The following UTP4 variants were observed in gnomAD, a reference collection of about 807,000 sequenced individuals.
UTP4 encodes UTP4 small subunit processome component.
UTP4 carries 45 observed loss-of-function variants against 82.4 expected under a neutral mutation model. The ratio of observed to expected loss-of-function variants is 0.55; its 90% CI spans 0.43 to 0.70. UTP4 has a LOEUF of 0.70. UTP4 is among the 30% of genes least tolerant of loss of function. The pLI, the probability that UTP4 is intolerant of heterozygous loss-of-function variation, is 0.00. For synonymous variants in UTP4, 348 were observed against 300.3 expected (o/e 1.16, Z -1.64); for missense variants, 819 against 858.3 (o/e 0.95, Z 0.57).
chr16:69,160,454 C>G lies in UTP4; in HGVS notation c.1543C>G (p.Gln515Glu). Residue 515 changes from glutamine to glutamate, a missense_variant, in exon 13 of 17, where the codon CAG becomes GAG. Physicochemically the swap from Gln to Glu is conservative, Grantham distance 29. Coordinates refer to ENST00000314423, the MANE Select transcript of UTP4 (RefSeq NM_032830.3). ...SAGVHVYNVK[Q>E]LKLHCTVPAY... The stretch of plus-strand genomic sequence containing the variant: ...TGGAGTCCATGTCTACAACGTAAAA[C>G]AGCTAAAGGTGAGCATAGGGTTTCA... 6.2e-7 allele frequency: 1 copy of G among 1,612,974 alleles called. No homozygotes were observed. Among genetic ancestry groups the G allele is most frequent in the African/African-American group, 1.3e-5 (1 of 75,030 alleles).
At chr16:69,156,160 T>TC in intron 11 of UTP4, among the ~76,000 whole-genome samples, 167 bp downstream of exon 11, 1 of 150,492 alleles carries the variant, frequency 6.6e-6, no homozygotes, top group South Asian at 2.1e-4. Context: ...CTTTCTTTTT[T>TC]TTTTTTTTTT....
chr16:69,139,692 G>A, intron 4 of UTP4, 133 bp from the exon 5 acceptor site: 1 of 399,612 alleles, frequency 2.5e-6, no homozygotes, highest in Non-Finnish European at 4.6e-6. Context: ...ATAAAATGGT[G>A]CTTCAAGGAG....
intron 8 of UTP4, among the ~76,000 whole-genome samples, chr16:69,152,627 G>A (rs7205931): frequency 0.038 from 5,716 of 151,576 alleles, 374 homozygotes; most frequent in African/African-American, 0.13. Flanking sequence ...CCGCCACCAC[G>A]CCTAGGTAAT....
At chr16:69,140,081 C>T (rs961078657) in intron 5 of UTP4, among the ~76,000 whole-genome samples, 167 bp downstream of exon 5, 1 of 152,152 alleles carries the variant, frequency 6.6e-6, no homozygotes, top group African/African-American at 2.4e-5. Flanking sequence ...TGGATTACTA[C>T]CACTGCTTTT....
At chr16:69,159,060 T>A (rs1021282952) in intron 12 of UTP4, among the ~76,000 whole-genome samples, 7 of 152,110 alleles carry the variant, frequency 4.6e-5, no homozygotes, top group Admixed American at 1.3e-4. Flanking sequence ...AACTTTTTTT[T>A]TTATTATTAA....
chr16:69,163,711 ATATATTAGGAAGTTATCAATAAT>A (rs1228673094), intron 14 of UTP4, among the ~76,000 whole-genome samples: 2 of 151,850 alleles, frequency 1.3e-5, no homozygotes, highest in Admixed American at 6.6e-5. Context: ...GGGCTGCGGA[ATATATTAGGAAGTTATCAATAAT>A]TATATTAGGA....
chr16:69,143,121 G>A, intron 5 of UTP4, 57 bp from the exon 6 acceptor site: 1 of 1,584,796 alleles, frequency 6.3e-7, no homozygotes, highest in Non-Finnish European at 8.7e-7. Context: ...GCCGCAGGCA[G>A]ATTTTGAAGA....
rs1272820177 is a variant in UTP4, at chr16:69,150,697, T to C, written c.899T>C (p.Leu300Pro). The change falls in exon 7 of 17, where the codon CTG (leucine) becomes CCG (proline). Residue 300 changes from leucine (L) to proline (P), a missense_variant. Leu to Pro is a moderately conservative substitution (Grantham distance 98). Coordinates refer to ENST00000314423, the MANE Select transcript of UTP4 (RefSeq NM_032830.3). ...VRTVAHSPTA[L>P]ISGGTDTHLV... is the part of the protein sequence containing the mutation. ...ACTGTGGCCCACAGCCCAACAGCGC[T>C]GATATCTGGAGGTGGGTTCCCCCTC... 2.5e-6 allele frequency: 4 copies of C among 1,614,094 alleles called. No homozygotes were observed. The highest frequency in any genetic ancestry group is 1.3e-5 in the African/African-American group (1 of 74,934).
At chr16:69,155,077 C>G (rs187505870) in intron 10 of UTP4, among the ~76,000 whole-genome samples, 1 of 151,996 alleles carries the variant, frequency 6.6e-6, no homozygotes, top group Non-Finnish European at 1.5e-5. Context: ...AAAAAAAAAT[C>G]ATTTTGTGAG....
At chr16:69,164,207 C>A (rs1357675356) in intron 14 of UTP4, among the ~76,000 whole-genome samples, 3 of 152,052 alleles carry the variant, frequency 2.0e-5, no homozygotes, top group Admixed American at 1.3e-4. Flanking sequence ...TACACTCACA[C>A]ATGCACACAC....
intron 16 of UTP4, among the ~76,000 whole-genome samples, chr16:69,168,120 T>G (rs1963745117): frequency 6.6e-6 from 1 of 152,080 alleles, no homozygotes; most frequent in South Asian, 2.1e-4. Context: ...GCTGAGACCT[T>G]TTATGAGTGA....
Position 69,156,750 on chromosome 16 carries a change from C to G in UTP4, c.1288-334C>G, listed in dbSNP as rs931117980. ...GGGATCACAGGCATGAGACACTGCGCCCGGCCCACACCCAGCCTTTATTTC... is the reference window on the plus strand; with the variant it reads ...GGGATCACAGGCATGAGACACTGCGGCCGGCCCACACCCAGCCTTTATTTC... On this transcript the variant is annotated intron_variant, in intron 11 of 16. Coordinates refer to ENST00000314423, the MANE Select transcript of UTP4 (RefSeq NM_032830.3). Among the ~76,000 whole-genome samples the G allele has an allele frequency of 5.9e-5, 9 of 152,336 alleles. No homozygotes were observed. In the South Asian group the frequency reaches 6.2e-4, roughly 11 times the overall value.
chr16:69,146,061 G>T (rs529232037), intron 6 of UTP4, among the ~76,000 whole-genome samples: 8 of 149,484 alleles, frequency 5.4e-5, no homozygotes, highest in African/African-American at 2.0e-4. Flanking sequence ...AGATTGTGCC[G>T]TTGTGCTCCA....
Position 69,167,144 on chromosome 16 carries a change from A to C in UTP4, c.1903A>C (p.Arg635=), listed in dbSNP as rs772584975. The C allele has an allele frequency of 3.1e-6, 5 of 1,613,692 alleles. No individual in the cohort carries two copies. ...PPTNESDVIR[R]RTAHAFKISK... Reference sequence around the variant, plus strand: ...CACGAATGAATCAGATGTCATCCGGAGGCGCACAGCTCATGCTTTTAAAAT... The same window carrying C: ...CACGAATGAATCAGATGTCATCCGGCGGCGCACAGCTCATGCTTTTAAAAT... Residue 635 remains arginine, a synonymous_variant, in exon 16 of 17, where the codon AGG becomes CGG. Coordinates refer to ENST00000314423, the MANE Select transcript of UTP4 (RefSeq NM_032830.3).
intron 13 of UTP4, among the ~76,000 whole-genome samples, chr16:69,162,345 A>G (rs1963584844): frequency 6.6e-6 from 1 of 152,056 alleles, no homozygotes; most frequent in African/African-American, 2.4e-5. Context: ...TGGGAGGCCG[A>G]GGTGGGTGGA....
chr16:69,146,481 T>C, intron 6 of UTP4, among the ~76,000 whole-genome samples: 1 of 152,242 alleles, frequency 6.6e-6, no homozygotes, highest in East Asian at 1.9e-4. Flanking sequence ...TTACTAAGAC[T>C]GCATAATATT....
chr16:69,158,364 A>T (rs1009898356), intron 12 of UTP4, among the ~76,000 whole-genome samples: 5 of 151,136 alleles, frequency 3.3e-5, no homozygotes, highest in African/African-American at 1.2e-4. Flanking sequence ...GGGTTTCACC[A>T]TGTTGCCCAT....
At chr16:69,156,079 G>C in intron 11 of UTP4, 86 bp downstream of exon 11, 1 of 1,337,762 alleles carries the variant, frequency 7.5e-7, no homozygotes, top group Non-Finnish European at 1.1e-6. Context: ...AACTGGATGT[G>C]AATCCTTGCT....
At chr16:69,153,027 A>G (rs962992255) in intron 8 of UTP4, among the ~76,000 whole-genome samples, 2 of 152,192 alleles carry the variant, frequency 1.3e-5, no homozygotes, top group Admixed American at 6.6e-5. Flanking sequence ...TGTGTCTTAT[A>G]GAACCTGTCT....
Sources: allele counts gnomAD v4.1 joint callset (sites outside exome capture counted in the v4.1 genomes callset), GRCh38; gene constraint gnomAD v4.1.1; transcripts MANE v1.5; gene names NCBI Gene and HGNC (gene_info 2026-07-23, HGNC 2026-07-21).